AKT2: variants seen among roughly 807,000 people sequenced by gnomAD.
AKT2 encodes the protein AKT serine/threonine kinase 2.
AKT2 carries 16 observed loss-of-function variants against 58.6 expected under a neutral mutation model. The ratio of observed to expected loss-of-function variants is 0.27; its 90% confidence interval spans 0.18 to 0.41. AKT2 has a LOEUF of 0.41. AKT2 is among the 10% of genes least tolerant of loss of function. AKT2 has a pLI of 1.00. For synonymous variants in AKT2, 253 were observed against 254.0 expected, an observed-to-expected ratio of 1.00 and a Z score of 0.04; for missense variants, 438 against 661.0, an observed-to-expected ratio of 0.66 and a Z score of 3.70.
In AKT2 at chr19:40,230,791, C is replaced by G. The variant is rs763037571; in HGVS notation, c.*3081G>C. 1.1e-4 allele frequency: 21 copies of G among 193,774 alleles called. No individual in the cohort carries two copies. Among genetic ancestry groups the G allele is most frequent in the Admixed American group, 1.8e-4 (3 of 16,346 alleles). 12.0% of individuals were successfully genotyped at this position (193,774 alleles called of 1,614,324 possible). On this transcript the variant is annotated 3_prime_UTR_variant, in exon 14 of 14. Coordinates refer to ENST00000392038, the MANE Select transcript of AKT2 (RefSeq NM_001626.6). ...AGTGCAGTGCCGCAATCATAGCTCA[C>G]TGCAGCCTCAAACTCCTGGGCTCAA...
Position 40,235,431 on chromosome 19 carries a change from G to T in AKT2, c.1176-81C>A. The T allele has an allele frequency of 8.1e-7, 1 of 1,235,660 alleles. No individual in the cohort carries two copies. The highest frequency in any genetic ancestry group is 1.2e-6 in the Non-Finnish European group (1 of 846,034). The allele number at this position is 1,235,660 out of a possible 1,614,324, so 76.5% of individuals were successfully genotyped here. A position where few individuals can be genotyped will look rare whatever the true frequency, so the allele number is the denominator to read the frequency against. ...CGGGCTTTCGGAGCAGGCAGGCCCT[G>T]TATGGCCCTTAATGATTCTGTCTTG... On this transcript the variant is annotated intron_variant, in intron 11 of 13. Coordinates refer to ENST00000392038, the MANE Select transcript of AKT2 (RefSeq NM_001626.6). This position sits in a 1 kb window ranked among gnomAD's most constrained non-coding sequence, Gnocchi z 6.3.
rs1049484583 is a variant in AKT2 at position 40,237,072 on chromosome 19, G to A, written c.832-687C>T. 8 of 158,318 alleles carry A rather than the reference G, an allele frequency of 5.1e-5. No homozygotes were observed. The highest frequency in any genetic ancestry group is 1.8e-4 in the Admixed American group (3 of 16,592). The allele number at this position is 158,318 out of a possible 1,614,324, so 9.8% of individuals were successfully genotyped here. ...AACTGTGGACTCACCTCCTCTGTGC[G>A]GCTTTCCCTCGACATTAGCCTATGA... On this transcript the variant is annotated intron_variant, in intron 9 of 13. Coordinates refer to ENST00000392038, the MANE Select transcript of AKT2 (RefSeq NM_001626.6). The surrounding 1 kb of genome is among the most constrained non-coding windows in gnomAD (Gnocchi z 4.5).
chr19:40,236,371 C>T lies in AKT2; in HGVS notation c.846G>A (p.Met282Ile). 6.2e-7 allele frequency: 1 copy of T among 1,614,154 alleles called. No homozygotes were observed. The highest frequency in any genetic ancestry group is 8.5e-7 in the Non-Finnish European group (1 of 1,180,034). ...TCTTGATGTGGCCATCTTTGTCCAG[C>T]ATGAGGTTTTCCAGCTGTTGGAAAA... ...VYRDIKLENL[M>I]LDKDGHIKIT... Residue 282 changes from methionine (M) to isoleucine (I), a missense_variant, in exon 10 of 14, where the codon ATG (methionine) becomes ATA (isoleucine). Transcript: ENST00000392038.
chr19:40,256,969 G>T lies in AKT2; in HGVS notation c.132C>A (p.Ala44=), dbSNP rs962740719. ...TTAAGGGGGGTAGAGTCTGATCAGGGGCCTCGGGCCTCTCCTTGTACCCAA... is the reference window on the plus strand; with the variant it reads ...TTAAGGGGGGTAGAGTCTGATCAGGTGCCTCGGGCCTCTCCTTGTACCCAA... ...SFIGYKERPE[A]PDQTLPPLNN... is the part of the protein sequence containing the mutation. Residue 44 remains alanine (A), a synonymous_variant, in exon 3 of 14, where the codon GCC becomes GCA. Coordinates refer to ENST00000392038, the MANE Select transcript of AKT2 (RefSeq NM_001626.6). 6.2e-6 allele frequency: 10 copies of T among 1,614,094 alleles called. No individual in the cohort carries two copies. The Admixed American group carries it at 1.7e-4, about 27-fold the overall frequency.
chr19:40,264,816 A>C (rs1600084626), intron 2 of AKT2, among the ~76,000 whole-genome samples: 1 of 143,092 alleles, frequency 7.0e-6, no homozygotes. Flanking sequence ...TGCCTGCCCC[A>C]CCCCCACTGG....
chr19:40,252,667 C>T (rs1476478308), intron 4 of AKT2, among the ~76,000 whole-genome samples: 1 of 152,206 alleles, frequency 6.6e-6, no homozygotes, highest in African/African-American at 2.4e-5. Context: ...TCCCCTCTTC[C>T]AACACTCCTG....
chr19:40,256,523 G>A (rs1400794993), intron 3 of AKT2, among the ~76,000 whole-genome samples: 2 of 152,184 alleles, frequency 1.3e-5, no homozygotes, highest in Admixed American at 1.3e-4. Context: ...CAGAGGACGC[G>A]AGGCCAGCCC....
intron 4 of AKT2, among the ~76,000 whole-genome samples, chr19:40,251,891 C>T (rs1975180461): frequency 6.6e-6 from 1 of 152,196 alleles, no homozygotes; most frequent in Non-Finnish European, 1.5e-5. Context: ...GCATAAAACA[C>T]AACCAGATGA....
At position 40,260,088 on chromosome 19, in the gene AKT2, G is replaced by A. The variant is rs1975828457; in HGVS notation, c.47-3034C>T. Among the ~76,000 whole-genome samples the A allele has an allele frequency of 2.0e-5, 3 of 152,044 alleles. No homozygotes were observed. In the South Asian group the frequency reaches 6.2e-4, roughly 31 times the overall value. ...AATCATGTGAACCCAGGAGGTGGAG[G>A]TTACAGTGAGCTGAGATCGTGCCAC... is the stretch of plus-strand genomic sequence containing the variant. On this transcript the variant is annotated intron_variant, in intron 2 of 13. Transcript: ENST00000392038.
chr19:40,284,720 T>C (rs1336028447), intron 1 of AKT2: 2 of 153,028 alleles, frequency 1.3e-5, no homozygotes, highest in East Asian at 1.9e-4. Flanking sequence ...CGTGGTGATA[T>C]AACCCAGCCA....
At chr19:40,250,201 CATG>C (rs1975048675) in intron 4 of AKT2, among the ~76,000 whole-genome samples, 1 of 152,146 alleles carries the variant, frequency 6.6e-6, no homozygotes, top group Non-Finnish European at 1.5e-5. Flanking sequence ...AGAGAAAATA[CATG>C]ATAAGATTTA....
chr19:40,285,320 G>C lies in AKT2; in HGVS notation c.-224C>G, dbSNP rs935666133. ...CAGCGGCGGCGGCGACGCCTCCTCCGAGGCAGGCCCAACGGCTAGCACGGC... is the reference window on the plus strand; with the variant it reads ...CAGCGGCGGCGGCGACGCCTCCTCCCAGGCAGGCCCAACGGCTAGCACGGC... On this transcript the variant is annotated 5_prime_UTR_variant, in exon 1 of 14. Transcript: ENST00000392038. 2.5e-6 allele frequency: 1 copy of C among 394,366 alleles called. No individual in the cohort carries two copies. Among genetic ancestry groups the C allele is most frequent in the Admixed American group, 4.4e-5 (1 of 22,550 alleles). 24.4% of individuals were successfully genotyped at this position (394,366 alleles called of 1,614,324 possible).
intron 1 of AKT2, chr19:40,274,466 G>C: frequency 6.3e-6 from 1 of 157,622 alleles, no homozygotes; most frequent in Non-Finnish European, 1.4e-5. Context: ...CCTGCCATTG[G>C]GGAGTTGGGG....
At position 40,242,712 on chromosome 19, in the gene AKT2, C is replaced by T; in HGVS notation, c.288-25G>A. 6.2e-7 allele frequency: 1 copy of T among 1,607,682 alleles called. No individual in the cohort carries two copies. Among genetic ancestry groups the T allele is most frequent in the Non-Finnish European group, 8.5e-7 (1 of 1,179,810 alleles). ...CCTGTGCAGGGACACACGTGAGTCC[C>T]AGCAGCCAGGAGTCCTGGGCCTCAG... On this transcript the variant is annotated intron_variant, in intron 4 of 13. Coordinates refer to ENST00000392038, the MANE Select transcript of AKT2 (RefSeq NM_001626.6). This position sits in a 1 kb window ranked among gnomAD's most constrained non-coding sequence, Gnocchi z 4.3.
rs1568517756 is a variant in AKT2 at position 40,235,571 on chromosome 19, T to C, written c.1176-221A>G. 1.6e-6 allele frequency: 1 copy of C among 630,970 alleles called. No individual in the cohort carries two copies. Among genetic ancestry groups the C allele is most frequent in the Non-Finnish European group, 2.8e-6 (1 of 353,732 alleles). The allele number at this position is 630,970 out of a possible 1,614,324, so 39.1% of individuals were successfully genotyped here. ...CCCACGTGTCCTCACTGCCTGGCCTTACCCTGAGTCCAGAAAGGGAGTTAG... is the reference window on the plus strand; with the variant it reads ...CCCACGTGTCCTCACTGCCTGGCCTCACCCTGAGTCCAGAAAGGGAGTTAG... On this transcript the variant is annotated intron_variant, in intron 11 of 13. Transcript: ENST00000392038. The surrounding 1 kb of genome is among the most constrained non-coding windows in gnomAD (Gnocchi z 6.3).
chr19:40,250,721 G>C (rs530325580), intron 4 of AKT2, among the ~76,000 whole-genome samples: 1 of 152,124 alleles, frequency 6.6e-6, no homozygotes, highest in Admixed American at 6.5e-5. Flanking sequence ...CTAGCTACTA[G>C]GGAGGCTGGG....
rs756439602 is a variant in AKT2 at position 40,242,618 on chromosome 19, G to C, written c.357C>G (p.Pro119=). 1 of 1,613,762 alleles carries C rather than the reference G, an allele frequency of 6.2e-7. No homozygotes were observed. Residue 119 remains proline, a synonymous_variant, in exon 5 of 14, where the codon CCC becomes CCG. Coordinates refer to ENST00000392038, the MANE Select transcript of AKT2 (RefSeq NM_001626.6). This position sits in a 1 kb window ranked among gnomAD's most constrained non-coding sequence, Gnocchi z 4.3. Reference sequence around the variant, plus strand: ...TGGGGGAGCCACACTTGTAGTCCATGGGGTCCTCGCCTGGGGCCCGCTGCT... The same window carrying C: ...TGGGGGAGCCACACTTGTAGTCCATCGGGTCCTCGCCTGGGGCCCGCTGCT... The part of the protein sequence containing the change: ...SLKQRAPGED[P]MDYKCGSPSD...
chr19:40,283,879 T>G (rs779761454), intron 1 of AKT2, among the ~76,000 whole-genome samples: 1 of 152,214 alleles, frequency 6.6e-6, no homozygotes, highest in Non-Finnish European at 1.5e-5. Flanking sequence ...CAAGGCCAAC[T>G]GTTACTGCCT....
intron 4 of AKT2, among the ~76,000 whole-genome samples, chr19:40,250,743 A>C (rs1279943358): frequency 1.3e-5 from 2 of 151,984 alleles, no homozygotes; most frequent in Non-Finnish European, 2.9e-5. Context: ...TGGGAGGATC[A>C]CCTAAATCCG....
Sources: gnomAD v4.1 joint callset for allele counts (sites outside exome capture counted in the v4.1 genomes callset) on GRCh38, gnomAD v4.1.1 for gene constraint, Gnocchi (gnomAD v3.1) non-coding constraint, MANE v1.5 for transcripts, NCBI Gene and HGNC (gene_info 2026-07-23, HGNC 2026-07-21) for gene names.